PXDNL: variants seen among roughly 807,000 people sequenced by gnomAD.
The protein encoded by PXDNL is probable oxidoreductase PXDNL.
A neutral mutation model predicts 150.8 loss-of-function variants in PXDNL; 145 were observed. The observed-to-expected ratio is 0.96, with a 90% CI of 0.84 to 1.10. The LOEUF (loss-of-function observed/expected upper bound fraction) is 1.10, where lower values mean the gene tolerates loss of function less well. PXDNL is among the 50% of genes least tolerant of loss of function. The pLI is 0.00. For missense variants in PXDNL, 2,087 were observed against 1,873.9 expected (o/e 1.11, Z -2.10); for synonymous variants, 757 against 725.7 (o/e 1.04, Z -0.69).
chr8:51,550,314 G>T (rs923171697), intron 4 of PXDNL, among the ~76,000 whole-genome samples: 1 of 152,028 alleles, frequency 6.6e-6, no homozygotes, highest in Non-Finnish European at 1.5e-5. Context: ...AAGAAAGAGG[G>T]AATCCTCCGT....
rs936159314 is a variant in PXDNL, at chr8:51,779,080, T to C, written c.164+30101A>G. On this transcript the variant is annotated intron_variant, in intron 1 of 22. Coordinates refer to ENST00000356297, the MANE Select transcript of PXDNL (RefSeq NM_144651.5). ...ACTGATAACCATAAACAAAGAAACA[T>C]GTTAAAATAAATGACCACTAATGAA... Among the ~76,000 whole-genome samples the C allele has an allele frequency of 4.6e-5, 7 of 152,112 alleles. 1 individual carries two copies. Among genetic ancestry groups the C allele is most frequent in the African/African-American group, 1.7e-4 (7 of 41,424 alleles).
chr8:51,777,621 G>C (rs1239550925), intron 1 of PXDNL, among the ~76,000 whole-genome samples: 1 of 152,218 alleles, frequency 6.6e-6, no homozygotes, highest in Non-Finnish European at 1.5e-5. Context: ...TTTGGTGTCA[G>C]CCAGGCAAGG....
chr8:51,523,232 A>G (rs889030464), intron 4 of PXDNL, among the ~76,000 whole-genome samples: 7 of 152,262 alleles, frequency 4.6e-5, no homozygotes, highest in African/African-American at 1.7e-4. Flanking sequence ...TGATATAGAT[A>G]TAAAAATATT....
chr8:51,390,463 G>A (rs868165813), intron 17 of PXDNL, among the ~76,000 whole-genome samples: 8 of 152,066 alleles, frequency 5.3e-5, no homozygotes, highest in African/African-American at 9.7e-5. Flanking sequence ...GAAATTCTCC[G>A]CCTTCTCCAT....
intron 5 of PXDNL, among the ~76,000 whole-genome samples, chr8:51,489,287 A>T (rs1483488891): frequency 6.6e-6 from 1 of 152,164 alleles, no homozygotes; most frequent in Non-Finnish European, 1.5e-5. Context: ...TCATTCCTTG[A>T]TGTAAATTTA....
intron 19 of PXDNL, among the ~76,000 whole-genome samples, chr8:51,358,376 G>A (rs76695896): frequency 0.025 from 3,753 of 152,232 alleles, 156 homozygotes; most frequent in African/African-American, 0.083. Context: ...AAAGAAATCA[G>A]TGTTTTAGAA....
rs371893763 is a variant in PXDNL at position 51,562,635 on chromosome 8, C to G, written c.309-5724G>C. 4.6e-5 allele frequency among the ~76,000 whole-genome samples: 7 copies of G among 152,060 alleles called. No homozygotes were observed. The East Asian group carries it at 7.8e-4, about 17-fold the overall frequency. On this transcript the variant is annotated intron_variant, in intron 3 of 22. Coordinates refer to ENST00000356297, the MANE Select transcript of PXDNL (RefSeq NM_144651.5). ...GGGAGCAATGAAAAGCCTAAACCCT[C>G]CCCATCAAACACAGAATTAGTTCCA...
intron 2 of PXDNL, among the ~76,000 whole-genome samples, chr8:51,653,376 C>T (rs1187745545): frequency 1.3e-5 from 2 of 152,002 alleles, no homozygotes; most frequent in Non-Finnish European, 2.9e-5. Flanking sequence ...CGAGATTGTG[C>T]CACTGCATTC....
chr8:51,674,198 G>A (rs1055084631), intron 1 of PXDNL, among the ~76,000 whole-genome samples: 9 of 152,108 alleles, frequency 5.9e-5, no homozygotes, highest in Non-Finnish European at 1.0e-4. Context: ...TGCTGAGAAG[G>A]CACTCTATTG....
chr8:51,376,953 C>G (rs1434743981), intron 17 of PXDNL, among the ~76,000 whole-genome samples: 4 of 152,076 alleles, frequency 2.6e-5, no homozygotes, highest in Admixed American at 6.6e-5. Context: ...CTCCTGACCT[C>G]CTGATCCACC....
At chr8:51,781,476 C>T (rs1210464613) in intron 1 of PXDNL, among the ~76,000 whole-genome samples, 1 of 152,194 alleles carries the variant, frequency 6.6e-6, no homozygotes, top group East Asian at 1.9e-4. Context: ...GATACATCAG[C>T]TTTCTGGGAA....
At chr8:51,666,959 G>A (rs1815399113) in intron 1 of PXDNL, among the ~76,000 whole-genome samples, 1 of 152,058 alleles carries the variant, frequency 6.6e-6, no homozygotes, top group Non-Finnish European at 1.5e-5. Flanking sequence ...GACCCACCCC[G>A]ATTTTCTGTT....
chr8:51,531,815 C>T (rs1328340347), intron 4 of PXDNL, among the ~76,000 whole-genome samples: 1 of 152,206 alleles, frequency 6.6e-6, no homozygotes, highest in Non-Finnish European at 1.5e-5. Context: ...ATTGTCATCA[C>T]ACACCACAGT....
intron 1 of PXDNL, among the ~76,000 whole-genome samples, chr8:51,741,692 C>A (rs2036908227): frequency 6.6e-6 from 1 of 152,110 alleles, no homozygotes. Context: ...CCATACAAAT[C>A]TATTCAAATA....
At chr8:51,544,059 T>C (rs1295809794) in intron 4 of PXDNL, among the ~76,000 whole-genome samples, 1 of 152,226 alleles carries the variant, frequency 6.6e-6, no homozygotes, top group Non-Finnish European at 1.5e-5. Flanking sequence ...AAGAGTCCTC[T>C]GTGCCATTTG....
At chr8:51,579,958 A>C (rs1366953466) in intron 3 of PXDNL, among the ~76,000 whole-genome samples, 2 of 151,916 alleles carry the variant, frequency 1.3e-5, no homozygotes, top group African/African-American at 2.4e-5. Context: ...ATACATATGT[A>C]ACAAACCTGC....
chr8:51,665,648 T>C (rs1254213177), intron 1 of PXDNL, among the ~76,000 whole-genome samples: 2 of 152,238 alleles, frequency 1.3e-5, no homozygotes, highest in Non-Finnish European at 2.9e-5. Flanking sequence ...GAATCACTTA[T>C]GGCTCATAAT....
intron 8 of PXDNL, among the ~76,000 whole-genome samples, chr8:51,471,918 C>A (rs916006732): frequency 6.6e-6 from 1 of 152,044 alleles, no homozygotes; most frequent in Non-Finnish European, 1.5e-5. Context: ...GATCTCCTGA[C>A]CTTGTGTGTG....
At chr8:51,379,888 G>A (rs904864665) in intron 17 of PXDNL, among the ~76,000 whole-genome samples, 32 of 151,972 alleles carry the variant, frequency 2.1e-4, no homozygotes, top group African/African-American at 7.7e-4. Context: ...ACTTGGTACC[G>A]CACCACTTAC....
Sources: allele counts gnomAD v4.1 joint callset (sites outside exome capture counted in the v4.1 genomes callset), GRCh38; gene constraint gnomAD v4.1.1; transcripts MANE v1.5; gene names NCBI Gene and HGNC (gene_info 2026-07-23, HGNC 2026-07-21).